KPNA3: variants seen among roughly 807,000 people sequenced by gnomAD.
KPNA3 encodes karyopherin subunit alpha 3, also known as importin subunit alpha-4.
KPNA3 carries 13 observed loss-of-function variants against 73.8 expected under a neutral mutation model. That is an observed-to-expected ratio of 0.18 (90% CI 0.11 to 0.28). KPNA3 has a LOEUF of 0.28. Among genes scored for constraint, KPNA3 ranks in the 10% least tolerant of loss-of-function variants. The pLI is 1.00. For missense variants in KPNA3, 360 were observed against 618.1 expected, an observed-to-expected ratio of 0.58 and a Z score of 4.43; for synonymous variants, 186 against 206.9, an observed-to-expected ratio of 0.90 and a Z score of 0.87.
At chr13:49,768,574 T>A (rs1457493289) in intron 1 of KPNA3, among the ~76,000 whole-genome samples, 1 of 43,334 alleles carries the variant, frequency 2.3e-5, no homozygotes, top group African/African-American at 5.6e-5. Context: ...TCAATTTTTT[T>A]TTTTTTTTTT....
chr13:49,755,824 A>G (rs1954706386), intron 1 of KPNA3, among the ~76,000 whole-genome samples: 1 of 152,198 alleles, frequency 6.6e-6, no homozygotes, highest in Non-Finnish European at 1.5e-5. Context: ...ACAATCAATT[A>G]TTTGCAGAAA....
chr13:49,722,321 T>C (rs972202249), intron 8 of KPNA3, among the ~76,000 whole-genome samples, 156 bp downstream of exon 8: 2 of 152,160 alleles, frequency 1.3e-5, no homozygotes, highest in African/African-American at 4.8e-5. Context: ...AAACTGTATA[T>C]CCTTTTCAAA....
In KPNA3 at chr13:49,732,958, G is replaced by A; in HGVS notation, c.203C>T (p.Ala68Val). ...EDSDVDADFK[A>V]QNVTLEAILQ... ...CACTATTAAAACATGGTAACTTACT[G>A]CTTTAAAATCAGCATCAACATCTGA... Residue 68 changes from alanine (A) to valine (V), a missense_variant and splice_region_variant, in exon 3 of 17, where the codon GCA becomes GTA. Ala to Val is a moderately conservative substitution (Grantham distance 64). This residue lies in a region of KPNA3 where 287 missense variants were observed against 549.1 expected (regional missense o/e 0.52). Transcript: ENST00000261667. 2 of 1,587,414 alleles carry A rather than the reference G, an allele frequency of 1.3e-6. No homozygotes were observed. Among genetic ancestry groups the A allele is most frequent in the African/African-American group, 2.7e-5 (2 of 74,258 alleles).
chr13:49,742,434 C>A (rs918174370), intron 2 of KPNA3, among the ~76,000 whole-genome samples: 1 of 152,100 alleles, frequency 6.6e-6, no homozygotes, highest in African/African-American at 2.4e-5. Flanking sequence ...CCCAAGTAAG[C>A]CGTAGAAAGC....
At chr13:49,787,427 G>A (rs549967199) in intron 1 of KPNA3, among the ~76,000 whole-genome samples, 5 of 152,268 alleles carry the variant, frequency 3.3e-5, no homozygotes, top group South Asian at 2.1e-4. Flanking sequence ...ACTTTCAGGC[G>A]TGGTTTGTAC....
intron 6 of KPNA3, among the ~76,000 whole-genome samples, chr13:49,727,913 C>T (rs7993860): frequency 0.12 from 18,147 of 152,088 alleles, 2,172 homozygotes; most frequent in East Asian, 0.58. Context: ...AAGAAATCAG[C>T]GGTTTACAAA....
At chr13:49,774,695 A>G (rs979542738) in intron 1 of KPNA3, among the ~76,000 whole-genome samples, 2 of 152,248 alleles carry the variant, frequency 1.3e-5, no homozygotes, top group African/African-American at 4.8e-5. Flanking sequence ...GACCACAAGC[A>G]TATCATGTCC....
intron 1 of KPNA3, among the ~76,000 whole-genome samples, chr13:49,781,456 T>C (rs1954939792): frequency 6.6e-6 from 1 of 151,450 alleles, no homozygotes. Flanking sequence ...ATGTAAACTT[T>C]GTGAGGATTA....
chr13:49,732,835 A>G (rs112522820), intron 3 of KPNA3, 59 bp from the exon 4 acceptor site: 1 of 1,398,702 alleles, frequency 7.1e-7, no homozygotes. Flanking sequence ...CATTCATTAA[A>G]CAGTGTACCT....
intron 1 of KPNA3, among the ~76,000 whole-genome samples, chr13:49,775,727 T>C (rs2137598573): frequency 6.6e-6 from 1 of 152,312 alleles, no homozygotes; most frequent in South Asian, 2.1e-4. Flanking sequence ...CTTTAGCTAT[T>C]ATTTACCTTA....
rs974480289 is a variant in KPNA3, at chr13:49,761,287, G to C, written c.70-14294C>G. Among the ~76,000 whole-genome samples, 19 of 152,022 alleles carry C rather than the reference G, an allele frequency of 1.2e-4. 1 individual carries two copies. The highest frequency in any genetic ancestry group is 4.6e-4 in the African/African-American group (19 of 41,476). On this transcript the variant is annotated intron_variant, in intron 1 of 16. Coordinates refer to ENST00000261667, the MANE Select transcript of KPNA3 (RefSeq NM_002267.4). Reference sequence around the variant, plus strand: ...CTCCCCACGGTCTCCCTCTAATGGCGAGCCGAAGCTGGACTGTACTGCTGC... The same window carrying C: ...CTCCCCACGGTCTCCCTCTAATGGCCAGCCGAAGCTGGACTGTACTGCTGC...
intron 9 of KPNA3, among the ~76,000 whole-genome samples, chr13:49,721,099 A>ATCCCAGCTAC (rs1954352398): frequency 6.6e-6 from 1 of 151,848 alleles, no homozygotes. Context: ...CTGGCCTGTA[A>ATCCCAGCTAC]TCCCAGCTAC....
chr13:49,737,702 G>T (rs573825590), intron 2 of KPNA3, among the ~76,000 whole-genome samples: 2 of 151,938 alleles, frequency 1.3e-5, no homozygotes, highest in Non-Finnish European at 2.9e-5. Context: ...TCCAACTCCC[G>T]GGCTCAAGAG....
chr13:49,776,236 C>A (rs549242834), intron 1 of KPNA3, among the ~76,000 whole-genome samples: 1 of 152,090 alleles, frequency 6.6e-6, no homozygotes, highest in African/African-American at 2.4e-5. Flanking sequence ...AGAACTTTAA[C>A]ATCCAAGTAT....
intron 7 of KPNA3, among the ~76,000 whole-genome samples, chr13:49,724,999 C>T (rs1954396343): frequency 6.6e-6 from 1 of 152,222 alleles, no homozygotes; most frequent in East Asian, 1.9e-4. Context: ...GCTAAGTGTC[C>T]CATACTATAA....
At chr13:49,730,968 G>C (rs1026853888) in intron 6 of KPNA3, among the ~76,000 whole-genome samples, 2 of 150,590 alleles carry the variant, frequency 1.3e-5, no homozygotes, top group African/African-American at 4.9e-5. Flanking sequence ...TTTTAATAGA[G>C]ACAGGGTTTC....
chr13:49,782,037 T>C (rs945900798), intron 1 of KPNA3, among the ~76,000 whole-genome samples: 2 of 152,196 alleles, frequency 1.3e-5, no homozygotes, highest in African/African-American at 4.8e-5. Context: ...TAGGTCTCAG[T>C]ATCAGCTCAC....
chr13:49,768,912 G>C (rs1313977756), intron 1 of KPNA3, among the ~76,000 whole-genome samples: 2 of 152,054 alleles, frequency 1.3e-5, no homozygotes, highest in Admixed American at 6.6e-5. Flanking sequence ...TGTTAGCCCA[G>C]AACTCTGTAT....
chr13:49,765,113 T>C (rs569436110), intron 1 of KPNA3, among the ~76,000 whole-genome samples: 2 of 152,258 alleles, frequency 1.3e-5, no homozygotes, highest in Non-Finnish European at 2.9e-5. Context: ...AAACCCTTTC[T>C]AGGTTATCAT....
Sources: gnomAD v4.1 joint callset for allele counts (sites outside exome capture counted in the v4.1 genomes callset) on GRCh38, gnomAD v4.1.1 for gene constraint, gnomAD v4.1.1 regional missense constraint, MANE v1.5 for transcripts, NCBI Gene and HGNC (gene_info 2026-07-23, HGNC 2026-07-21) for gene names.